The following TMEM108 variants were observed in gnomAD, a reference collection of about 807,000 sequenced individuals.
TMEM108 encodes transmembrane protein 108.
Under a neutral mutation model 35.1 loss-of-function variants are expected in TMEM108, and 12 were observed. The ratio of observed to expected loss-of-function variants is 0.34; its 90% CI spans 0.22 to 0.55. The LOEUF (loss-of-function observed/expected upper bound fraction) is 0.55. Among genes scored for constraint, TMEM108 ranks in the 20% least tolerant of loss-of-function variants. The probability of loss-of-function intolerance (pLI) is 0.89; values close to 1 mark genes in which losing one functional copy is unlikely to be tolerated. For missense variants in TMEM108, 680 were observed against 753.3 expected (o/e 0.90, Z 1.14); for synonymous variants, 287 against 308.6 (o/e 0.93, Z 0.73).
At chr3:133,383,592 G>C (rs1407117919) in intron 4 of TMEM108, among the ~76,000 whole-genome samples, 1 of 152,114 alleles carries the variant, frequency 6.6e-6, no homozygotes, top group South Asian at 2.1e-4. Flanking sequence ...CAGCCCTTCT[G>C]TTATGTATAA....
At chr3:133,287,417 G>A (rs1947001049) in intron 3 of TMEM108, among the ~76,000 whole-genome samples, 1 of 152,128 alleles carries the variant, frequency 6.6e-6, no homozygotes, top group South Asian at 2.1e-4. Flanking sequence ...TCTACTCCCT[G>A]AACAAGCTAC....
At chr3:133,044,961 C>CTTTTTTTTTTTTTTTTT (rs11444221) in intron 1 of TMEM108, among the ~76,000 whole-genome samples, 2 of 142,828 alleles carry the variant, frequency 1.4e-5, no homozygotes, top group Non-Finnish European at 1.5e-5. Flanking sequence ...TGAAGTGCTG[C>CTTTTTTTTTTTTTTTTT]TTTTTTTTTT....
chr3:133,077,209 C>T (rs115780869), intron 2 of TMEM108, among the ~76,000 whole-genome samples: 2,244 of 152,060 alleles, frequency 0.015, 41 homozygotes, highest in African/African-American at 0.05. Flanking sequence ...AGGAGGCAGC[C>T]GATGTTTTAT....
At chr3:133,305,535 TAAAA>T (rs1328729046) in intron 3 of TMEM108, among the ~76,000 whole-genome samples, 17 of 151,518 alleles carry the variant, frequency 1.1e-4, no homozygotes, top group African/African-American at 4.1e-4. Context: ...AATAAATAAA[TAAAA>T]GAAAGATGCC....
At chr3:133,068,316 T>C (rs1014485476) in intron 2 of TMEM108, among the ~76,000 whole-genome samples, 3 of 151,906 alleles carry the variant, frequency 2.0e-5, no homozygotes, top group African/African-American at 7.3e-5. Flanking sequence ...GTGACTACTA[T>C]GTGTGGGGCA....
intron 3 of TMEM108, among the ~76,000 whole-genome samples, chr3:133,377,077 CCTCTT>C (rs1173638873): frequency 3.3e-5 from 5 of 152,162 alleles, no homozygotes; most frequent in African/African-American, 1.2e-4. Context: ...GTCCTAATCT[CCTCTT>C]CTTAAGAAGG....
At chr3:133,087,105 GC>G (rs1943893865) in intron 2 of TMEM108, among the ~76,000 whole-genome samples, 1 of 152,292 alleles carries the variant, frequency 6.6e-6, no homozygotes, top group African/African-American at 2.4e-5. Context: ...GTTGGGTGCA[GC>G]CCTGATAGAG....
intron 2 of TMEM108, among the ~76,000 whole-genome samples, chr3:133,223,864 A>C (rs1380538475): frequency 1.3e-5 from 2 of 152,252 alleles, no homozygotes; most frequent in Admixed American, 6.5e-5. Context: ...AAAACACTGA[A>C]GCTCTACAAG....
intron 3 of TMEM108, among the ~76,000 whole-genome samples, chr3:133,342,555 T>TATATATATATATATATATATATATAA (rs60991711): frequency 1.6e-5 from 1 of 63,424 alleles, no homozygotes; most frequent in Non-Finnish European, 3.7e-5. Flanking sequence ...TATATATATA[T>TATATATATATATATATATATATATAA]ACACACACAC....
chr3:133,313,883 G>T (rs919809990), intron 3 of TMEM108, among the ~76,000 whole-genome samples: 2 of 151,912 alleles, frequency 1.3e-5, no homozygotes, highest in African/African-American at 4.8e-5. Flanking sequence ...ATTTATAATG[G>T]CATTAATGCC....
Position 133,323,875 on chromosome 3 carries a change from A to G in TMEM108, c.41-55877A>G, listed in dbSNP as rs566595224. On this transcript the variant is annotated intron_variant, in intron 3 of 5. Transcript: ENST00000321871. ...AGAGAACCCAGAAATAAAGCCAAAT[A>G]TTTATAGCCAACTGATCTTCAACAC... 2.6e-5 allele frequency among the ~76,000 whole-genome samples: 4 copies of G among 152,302 alleles called. No individual in the cohort carries two copies. The South Asian group carries it at 8.3e-4, about 32-fold the overall frequency.
At chr3:133,053,318 A>T (rs1410130161) in intron 2 of TMEM108, among the ~76,000 whole-genome samples, 1 of 152,206 alleles carries the variant, frequency 6.6e-6, no homozygotes, top group Non-Finnish European at 1.5e-5. Flanking sequence ...GGAAAAATCA[A>T]TAAGAGAAAT....
chr3:133,279,923 G>A (rs1008881161), intron 3 of TMEM108, among the ~76,000 whole-genome samples: 1 of 152,338 alleles, frequency 6.6e-6, no homozygotes. Context: ...TTAGCTGGAT[G>A]TAAAATATAA....
At chr3:133,336,574 G>C (rs1401108575) in intron 3 of TMEM108, among the ~76,000 whole-genome samples, 1 of 152,036 alleles carries the variant, frequency 6.6e-6, no homozygotes, top group Non-Finnish European at 1.5e-5. Flanking sequence ...TCTTGGGTGG[G>C]ACTCTGAGAC....
intron 2 of TMEM108, among the ~76,000 whole-genome samples, chr3:133,205,835 A>G (rs1945744950): frequency 6.6e-6 from 1 of 152,110 alleles, no homozygotes; most frequent in African/African-American, 2.4e-5. Flanking sequence ...CTGAATTTGA[A>G]TGTTGGCCTG....
At chr3:133,052,847 A>G (rs1482476139) in intron 2 of TMEM108, among the ~76,000 whole-genome samples, 1 of 152,168 alleles carries the variant, frequency 6.6e-6, no homozygotes, top group African/African-American at 2.4e-5. Flanking sequence ...TATTATTCTA[A>G]CCAAGTCATT....
chr3:133,140,169 G>A (rs550569947), intron 2 of TMEM108, among the ~76,000 whole-genome samples: 1 of 152,224 alleles, frequency 6.6e-6, no homozygotes, highest in African/African-American at 2.4e-5. Flanking sequence ...AAGATTTGCC[G>A]AGCTCCTCAT....
chr3:133,272,742 C>A (rs1469660378), intron 3 of TMEM108, among the ~76,000 whole-genome samples: 2 of 152,154 alleles, frequency 1.3e-5, no homozygotes, highest in Non-Finnish European at 2.9e-5. Flanking sequence ...CTGCATTTTT[C>A]TGATGAAGAA....
chr3:133,105,795 A>G (rs981532335), intron 2 of TMEM108, among the ~76,000 whole-genome samples: 1 of 152,190 alleles, frequency 6.6e-6, no homozygotes, highest in Non-Finnish European at 1.5e-5. Flanking sequence ...GAGTACTTTT[A>G]AAAGTGTCAA....
Sources: allele counts gnomAD v4.1 joint callset (sites outside exome capture counted in the v4.1 genomes callset), GRCh38; gene constraint gnomAD v4.1.1; transcripts MANE v1.5; gene names NCBI Gene and HGNC (gene_info 2026-07-23, HGNC 2026-07-21).